Variants in AAK1 observed in about 807,000 individuals in gnomAD.
AAK1 encodes AP2 associated kinase 1, also known as AP2-associated protein kinase 1.
Under a neutral mutation model 116.0 loss-of-function variants are expected in AAK1, and 37 were observed. The ratio of observed to expected loss-of-function variants is 0.32; its 90% CI spans 0.25 to 0.42. AAK1 has a LOEUF of 0.42. AAK1 is among the 10% of genes least tolerant of loss of function. The pLI is 1.00. For synonymous variants in AAK1, 458 were observed against 439.9 expected (o/e 1.04, Z -0.51); for missense variants, 919 against 1,170.6 (o/e 0.79, Z 3.14).
At chr2:69,602,965 T>C (rs1673642867) in intron 2 of AAK1, among the ~76,000 whole-genome samples, 1 of 152,178 alleles carries the variant, frequency 6.6e-6, no homozygotes, top group Admixed American at 6.5e-5. Context: ...TACAAATTAC[T>C]AGTAAATTGA....
intron 2 of AAK1, among the ~76,000 whole-genome samples, chr2:69,576,425 A>C (rs1300208622): frequency 1.3e-5 from 2 of 152,018 alleles, no homozygotes; most frequent in African/African-American, 4.8e-5. Flanking sequence ...TTTGTTGTAC[A>C]GATCATTTCA....
At chr2:69,540,438 C>T (rs1387827183) in intron 5 of AAK1, among the ~76,000 whole-genome samples, 1 of 152,062 alleles carries the variant, frequency 6.6e-6, no homozygotes, top group Non-Finnish European at 1.5e-5. Context: ...TCTATTTCTA[C>T]TTAGAAAAAA....
chr2:69,546,450 C>A (rs901092416), intron 3 of AAK1, among the ~76,000 whole-genome samples: 4 of 152,180 alleles, frequency 2.6e-5, no homozygotes, highest in Non-Finnish European at 4.4e-5. Context: ...TTTCCATTTA[C>A]ACATTCCTGA....
At chr2:69,565,049 C>G (rs1234027498) in intron 2 of AAK1, among the ~76,000 whole-genome samples, 1 of 152,196 alleles carries the variant, frequency 6.6e-6, no homozygotes, top group Admixed American at 6.5e-5. Flanking sequence ...CCTGAAGAGC[C>G]AGGGAGATCA....
intron 10 of AAK1, 92 bp from the exon 11 acceptor site, chr2:69,521,080 C>T (rs1669757387): frequency 9.5e-6 from 13 of 1,371,146 alleles, no homozygotes; most frequent in Non-Finnish European, 1.2e-5. Context: ...TCCACATCGA[C>T]CCAAACCTTC....
chr2:69,607,416 C>T (rs1445575403), intron 2 of AAK1, among the ~76,000 whole-genome samples: 1 of 152,088 alleles, frequency 6.6e-6, no homozygotes, highest in Non-Finnish European at 1.5e-5. Flanking sequence ...AAAGACTTTG[C>T]CTTGATTTCT....
intron 2 of AAK1, among the ~76,000 whole-genome samples, chr2:69,563,142 G>T (rs1255785999): frequency 6.6e-6 from 1 of 152,132 alleles, no homozygotes; most frequent in Non-Finnish European, 1.5e-5. Flanking sequence ...TCAGCAATGG[G>T]GCTTTGGAAG....
intron 10 of AAK1, 121 bp downstream of exon 10, chr2:69,524,912 C>G: frequency 1.1e-6 from 1 of 925,792 alleles, no homozygotes; most frequent in South Asian, 1.6e-5. Flanking sequence ...ACAGAGCTTG[C>G]TTTCCTGATC....
Position 69,597,838 on chromosome 2 carries a change from T to TA in AAK1, c.164-40861dup, listed in dbSNP as rs370118898. ...AGTGAGCCATGATCATGCCACACTG[T>TA]ACTCCAGCCTGGAGACAGAGTAAGA... On this transcript the variant is annotated intron_variant, in intron 2 of 21. Transcript: ENST00000409085. The TA allele has an allele frequency of 2.0e-3, 338 of 169,020 alleles. 2 individuals carry two copies. Among genetic ancestry groups the TA allele is most frequent in the African/African-American group, 7.6e-3 (320 of 42,198 alleles). 10.5% of individuals were successfully genotyped at this position (169,020 alleles called of 1,614,324 possible).
At chr2:69,637,892 G>A (rs1333502573) in intron 2 of AAK1, among the ~76,000 whole-genome samples, 3 of 152,140 alleles carry the variant, frequency 2.0e-5, no homozygotes, top group Admixed American at 1.3e-4. Context: ...ACGTGAAACT[G>A]CTGCTCTCTC....
At chr2:69,489,695 G>A (rs1030204426) in intron 17 of AAK1, among the ~76,000 whole-genome samples, 4 of 152,112 alleles carry the variant, frequency 2.6e-5, no homozygotes, top group Non-Finnish European at 4.4e-5. Flanking sequence ...GTCTCATGAC[G>A]AGAGATGATG....
intron 2 of AAK1, among the ~76,000 whole-genome samples, chr2:69,579,791 T>C (rs550435830): frequency 1.9e-4 from 29 of 152,250 alleles, no homozygotes; most frequent in African/African-American, 6.7e-4. Flanking sequence ...CCTGGTTGAT[T>C]TCACCCATTA....
chr2:69,500,692 T>TACACAC (rs1344927946), intron 16 of AAK1, among the ~76,000 whole-genome samples: 19 of 113,436 alleles, frequency 1.7e-4, no homozygotes, highest in African/African-American at 7.3e-4. Context: ...TATATATATA[T>TACACAC]ATATATACAC....
chr2:69,554,024 C>T (rs1671292175), intron 3 of AAK1, among the ~76,000 whole-genome samples: 2 of 151,538 alleles, frequency 1.3e-5, no homozygotes, highest in Admixed American at 1.3e-4. Flanking sequence ...CTGCAGTGAG[C>T]TATGATTGTG....
intron 17 of AAK1, among the ~76,000 whole-genome samples, chr2:69,493,084 G>A (rs1055722727): frequency 1.4e-4 from 20 of 146,678 alleles, no homozygotes; most frequent in African/African-American, 4.8e-4. Flanking sequence ...GCGTGAACCC[G>A]GGAGGCGGAG....
chr2:69,504,800 C>T (rs1389521404), intron 16 of AAK1, among the ~76,000 whole-genome samples: 1 of 152,128 alleles, frequency 6.6e-6, no homozygotes, highest in Non-Finnish European at 1.5e-5. Flanking sequence ...GTATTCTGGT[C>T]AGGGAGACCT....
In AAK1 at chr2:69,472,550, A is replaced by C; in HGVS notation, c.*3319T>G. On this transcript the variant is annotated 3_prime_UTR_variant, in exon 22 of 22. Transcript: ENST00000409085. ...AAATTCTGATATGTCTGCTAAAGAA[A>C]TCATTAATTATAATAATTATAATCA... 3.3e-6 allele frequency: 3 copies of C among 917,378 alleles called. No homozygotes were observed. Among genetic ancestry groups the C allele is most frequent in the Non-Finnish European group, 3.9e-6 (3 of 767,964 alleles). 56.8% of individuals were successfully genotyped at this position (917,378 alleles called of 1,614,324 possible). A position where few individuals can be genotyped will look rare whatever the true frequency, so the allele number is the denominator to read the frequency against.
At position 69,475,038 on chromosome 2, in the gene AAK1, G is replaced by T; in HGVS notation, c.*831C>A. On this transcript the variant is annotated 3_prime_UTR_variant, in exon 22 of 22. Coordinates refer to ENST00000409085, the MANE Select transcript of AAK1 (RefSeq NM_014911.5). ...ATCATATTACCACCGTCTTGTTTTG[G>T]TCTAATTCTGAGATCCCACTTGGAA... 1 of 962,672 alleles carries T rather than the reference G, an allele frequency of 1.0e-6. No homozygotes were observed. The highest frequency in any genetic ancestry group is 1.2e-6 in the Non-Finnish European group (1 of 827,324). 59.6% of individuals were successfully genotyped at this position (962,672 alleles called of 1,614,324 possible).
chr2:69,543,216 G>C (rs1670792683), intron 4 of AAK1, among the ~76,000 whole-genome samples: 2 of 152,182 alleles, frequency 1.3e-5, no homozygotes, highest in South Asian at 2.1e-4. Flanking sequence ...ACATTATCCA[G>C]ATGCCTGGAT....
Sources: allele counts gnomAD v4.1 joint callset (sites outside exome capture counted in the v4.1 genomes callset), GRCh38; gene constraint gnomAD v4.1.1; transcripts MANE v1.5; gene names NCBI Gene and HGNC (gene_info 2026-07-23, HGNC 2026-07-21).